The following NFKB1 variants were observed in gnomAD, a reference collection of about 807,000 sequenced individuals.
The protein encoded by NFKB1 is nuclear factor kappa B subunit 1.
NFKB1 carries 9 observed loss-of-function variants against 105.1 expected under a neutral mutation model. That is an observed-to-expected ratio of 0.09 (90% CI 0.05 to 0.15). The LOEUF is 0.15. Among genes scored for constraint, NFKB1 ranks in the 10% least tolerant of loss-of-function variants. NFKB1 has a pLI of 1.00. For synonymous variants in NFKB1, 440 were observed against 442.2 expected, an observed-to-expected ratio of 1.00 and a Z score of 0.06; for missense variants, 830 against 1,203.7, an observed-to-expected ratio of 0.69 and a Z score of 4.59.
At chr4:102,538,799 C>G (rs754726641) in intron 5 of NFKB1, among the ~76,000 whole-genome samples, 10 of 152,138 alleles carry the variant, frequency 6.6e-5, no homozygotes, top group Non-Finnish European at 1.3e-4. Flanking sequence ...ATTATTTAGT[C>G]AGTAATTCAA....
At position 102,538,596 on chromosome 4, in the gene NFKB1, G is replaced by A. The variant is rs148573207; in HGVS notation, c.258+640G>A. Among the ~76,000 whole-genome samples the A allele has an allele frequency of 2.3e-3, 356 of 152,168 alleles. 1 individual carries two copies. The highest frequency in any genetic ancestry group is 8.4e-3 in the African/African-American group (349 of 41,520). On this transcript the variant is annotated intron_variant, in intron 5 of 23. Transcript: ENST00000226574. The stretch of plus-strand genomic sequence containing the variant: ...ATGAACTGCTACGTGACATGCTGGT[G>A]GTGTATTTGGTCATACCTTTTACCA...
At chr4:102,601,041 A>C (rs1727101948) in intron 16 of NFKB1, 32 bp downstream of exon 16, 1 of 1,305,526 alleles carries the variant, frequency 7.7e-7, no homozygotes, top group Non-Finnish European at 1.1e-6. Flanking sequence ...ACAACTGAAG[A>C]AAAATCTGTA....
intron 16 of NFKB1, 62 bp from the exon 17 acceptor site, chr4:102,606,434 C>A: frequency 6.7e-7 from 1 of 1,496,016 alleles, no homozygotes; most frequent in Non-Finnish European, 9.3e-7. Flanking sequence ...AGCTACCAAG[C>A]TGTGAGTTGT....
At chr4:102,579,931 A>G (rs1413272320) in intron 8 of NFKB1, among the ~76,000 whole-genome samples, 1 of 151,966 alleles carries the variant, frequency 6.6e-6, no homozygotes, top group Non-Finnish European at 1.5e-5. Context: ...AAAATGATAC[A>G]GACTCATACC....
intron 12 of NFKB1, 31 bp from the exon 13 acceptor site, chr4:102,594,861 G>T: frequency 6.8e-7 from 1 of 1,469,686 alleles, no homozygotes; most frequent in Non-Finnish European, 9.5e-7. Context: ...ATATCTTCAT[G>T]ATGTTTCATT....
At chr4:102,528,807 G>A (rs185418466) in intron 2 of NFKB1, among the ~76,000 whole-genome samples, 24 of 152,152 alleles carry the variant, frequency 1.6e-4, no homozygotes, top group African/African-American at 5.8e-4. Context: ...TGCCCACTCT[G>A]TTGCTGCCCT....
intron 11 of NFKB1, among the ~76,000 whole-genome samples, chr4:102,590,693 CCT>C (rs1236397178): frequency 6.6e-6 from 1 of 152,130 alleles, no homozygotes; most frequent in Non-Finnish European, 1.5e-5. Flanking sequence ...CATCTCTCTC[CCT>C]CTCCTCAGGC....
intron 20 of NFKB1, 57 bp downstream of exon 20, chr4:102,610,756 A>G (rs1050524334): frequency 1.6e-5 from 26 of 1,587,944 alleles, no homozygotes; most frequent in Non-Finnish European, 2.1e-5. Flanking sequence ...AGGTTCAGGA[A>G]TGTAAGAACA....
At chr4:102,525,296 G>A (rs953299870) in intron 1 of NFKB1, among the ~76,000 whole-genome samples, 6 of 152,112 alleles carry the variant, frequency 3.9e-5, no homozygotes, top group South Asian at 2.1e-4. Flanking sequence ...TGAATCATAC[G>A]TAAGTGGTAA....
At chr4:102,580,852 A>G (rs1725263525) in intron 9 of NFKB1, among the ~76,000 whole-genome samples, 1 of 152,244 alleles carries the variant, frequency 6.6e-6, no homozygotes, top group South Asian at 2.1e-4. Context: ...TAGATTTCCC[A>G]TGGAAGTAAA....
intron 2 of NFKB1, among the ~76,000 whole-genome samples, chr4:102,527,781 A>G (rs1380805423): frequency 6.6e-6 from 1 of 152,156 alleles, no homozygotes; most frequent in East Asian, 1.9e-4. Flanking sequence ...CGAACTAACC[A>G]GCATGAGGAT....
At chr4:102,579,127 A>T in intron 8 of NFKB1, 88 bp downstream of exon 8, 2 of 1,364,648 alleles carry the variant, frequency 1.5e-6, no homozygotes, top group Non-Finnish European at 2.0e-6. Context: ...GTCCTGGGGA[A>T]GGTAACTTAA....
intron 19 of NFKB1, among the ~76,000 whole-genome samples, chr4:102,610,208 C>G (rs1020849621): frequency 2.0e-5 from 3 of 152,144 alleles, no homozygotes; most frequent in African/African-American, 7.2e-5. Context: ...CAGTTAGGAC[C>G]CTAATCCTGA....
intron 5 of NFKB1, among the ~76,000 whole-genome samples, chr4:102,542,279 C>G (rs914904694): frequency 6.6e-6 from 1 of 152,168 alleles, no homozygotes; most frequent in African/African-American, 2.4e-5. Flanking sequence ...ACTGAACCAT[C>G]TGGTGCTCTG....
intron 5 of NFKB1, among the ~76,000 whole-genome samples, chr4:102,540,612 G>C (rs1462104549): frequency 6.6e-6 from 1 of 152,146 alleles, no homozygotes; most frequent in African/African-American, 2.4e-5. Context: ...GAACTTAGAG[G>C]TTAGAGAATA....
intron 11 of NFKB1, among the ~76,000 whole-genome samples, chr4:102,585,734 G>A (rs568128279): frequency 1.8e-4 from 27 of 152,300 alleles, no homozygotes; most frequent in Middle Eastern, 3.4e-3. Context: ...TTATTCTAAA[G>A]CAGCCTCCAA....
intron 11 of NFKB1, among the ~76,000 whole-genome samples, chr4:102,585,308 G>A (rs933776522): frequency 1.3e-5 from 2 of 152,184 alleles, no homozygotes; most frequent in Admixed American, 6.5e-5. Flanking sequence ...AGAAGAGACA[G>A]TAGTATATTA....
Position 102,596,152 on chromosome 4 carries a change from G to T in NFKB1, c.1315G>T (p.Glu439Ter). Residue 439 changes from glutamate (E) to a stop codon, truncating the protein, a stop_gained, in exon 14 of 24, where the codon GAA becomes TAA. Transcript: ENST00000226574. LOFTEE classifies it high-confidence loss of function. ...AGMKHGTMDTESKKDPEGCDK... is the reference protein window; with the variant it reads ...AGMKHGTMDT ...ATTTATCTTAGGAACCATGGACACT[G>T]AATCTAAAAAGGACCCTGAAGGTTG... 1 of 1,596,548 alleles carries T rather than the reference G, an allele frequency of 6.3e-7. No individual in the cohort carries two copies. Among genetic ancestry groups the T allele is most frequent in the South Asian group, 1.1e-5 (1 of 88,880 alleles).
At chr4:102,573,796 C>G (rs1724586410) in intron 6 of NFKB1, among the ~76,000 whole-genome samples, 1 of 151,824 alleles carries the variant, frequency 6.6e-6, no homozygotes, top group African/African-American at 2.4e-5. Flanking sequence ...ATATTTTTGT[C>G]TGTAGTGTCT....
Sources: allele counts gnomAD v4.1 joint callset (sites outside exome capture counted in the v4.1 genomes callset), GRCh38; gene constraint gnomAD v4.1.1; transcripts MANE v1.5; gene names NCBI Gene and HGNC (gene_info 2026-07-23, HGNC 2026-07-21).